DISC1: variants seen among roughly 807,000 people sequenced by gnomAD.
The protein encoded by DISC1 is disrupted in schizophrenia 1 protein.
A neutral mutation model predicts 84.5 loss-of-function variants in DISC1; 57 were observed. That is an observed-to-expected ratio of 0.67 (90% confidence interval 0.55 to 0.84). The LOEUF (loss-of-function observed/expected upper bound fraction) is 0.84. DISC1 is among the 40% of genes least tolerant of loss of function. DISC1 has a pLI of 0.00. For synonymous variants in DISC1, 411 were observed against 415.2 expected (o/e 0.99, Z 0.12); for missense variants, 1,000 against 1,057.8 (o/e 0.95, Z 0.76).
intron 1 of DISC1, among the ~76,000 whole-genome samples, chr1:231,653,106 C>A (rs952535155): frequency 2.0e-5 from 3 of 152,174 alleles, no homozygotes; most frequent in African/African-American, 7.2e-5. Flanking sequence ...TCCATGCTGA[C>A]ACCATAATTT....
intron 1 of DISC1, among the ~76,000 whole-genome samples, chr1:231,678,580 A>G (rs2063379121): frequency 1.3e-5 from 2 of 152,220 alleles, no homozygotes; most frequent in Admixed American, 1.3e-4. Flanking sequence ...GAGAAGTTAC[A>G]CTTGGGCAAG....
rs370963550 is a variant in DISC1 at position 231,924,380 on chromosome 1, G to T, written c.1982-34448G>T. On this transcript the variant is annotated intron_variant, in intron 9 of 12. Transcript: ENST00000439617. ...AAGTGGAAGGGGCTTTCTTGTCAAAGAAGGCACATATGAGTGCCATAGTTA... is the reference window on the plus strand; with the variant it reads ...AAGTGGAAGGGGCTTTCTTGTCAAATAAGGCACATATGAGTGCCATAGTTA... Among the ~76,000 whole-genome samples, 8 of 152,342 alleles carry T rather than the reference G, an allele frequency of 5.3e-5. No homozygotes were observed. In the East Asian group the frequency reaches 1.5e-3, roughly 29 times the overall value.
At chr1:231,974,420 T>C (rs1662492362) in intron 10 of DISC1, among the ~76,000 whole-genome samples, 1 of 152,224 alleles carries the variant, frequency 6.6e-6, no homozygotes, top group Admixed American at 6.5e-5. Context: ...AATGCAAGCC[T>C]ATGTGCAGGT....
intron 10 of DISC1, among the ~76,000 whole-genome samples, chr1:231,966,194 A>G (rs1661094363): frequency 6.6e-6 from 1 of 152,082 alleles, no homozygotes; most frequent in Non-Finnish European, 1.5e-5. Context: ...AGGCAACCTG[A>G]GAAGATACAG....
chr1:231,760,783 G>C (rs978504860), intron 4 of DISC1, among the ~76,000 whole-genome samples: 2 of 152,170 alleles, frequency 1.3e-5, no homozygotes, highest in Non-Finnish European at 2.9e-5. Context: ...CACTTGCAGA[G>C]CCTTCTGAAG....
intron 1 of DISC1, among the ~76,000 whole-genome samples, chr1:231,641,756 A>G (rs2059710473): frequency 6.6e-6 from 1 of 152,192 alleles, no homozygotes; most frequent in African/African-American, 2.4e-5. Context: ...TTAGCTAGAT[A>G]CAGAGTGTCC....
intron 9 of DISC1, among the ~76,000 whole-genome samples, chr1:231,910,441 T>C (rs1182866691): frequency 1.3e-5 from 2 of 152,238 alleles, no homozygotes; most frequent in Admixed American, 6.5e-5. Context: ...TACTCAGTAG[T>C]CATTCAGGGG....
chr1:232,010,655 A>C (rs746068655), intron 11 of DISC1, among the ~76,000 whole-genome samples: 4 of 152,202 alleles, frequency 2.6e-5, no homozygotes, highest in Non-Finnish European at 2.9e-5. Context: ...TTTACATGAC[A>C]CAGGAGCCTG....
intron 12 of DISC1, among the ~76,000 whole-genome samples, chr1:232,027,336 A>G (rs1368988523): frequency 2.6e-5 from 4 of 152,240 alleles, no homozygotes; most frequent in Non-Finnish European, 5.9e-5. Context: ...TTCTAACCAT[A>G]TACACATGGT....
chr1:231,796,647 T>C (rs2078787813), intron 7 of DISC1, among the ~76,000 whole-genome samples: 1 of 152,130 alleles, frequency 6.6e-6, no homozygotes, highest in Non-Finnish European at 1.5e-5. Flanking sequence ...TTATAACTTG[T>C]GTACAAAGAG....
At position 231,708,027 on chromosome 1, in the gene DISC1, G is replaced by A. The variant is rs775888189; in HGVS notation, c.1117+6003G>A. ...TAGGTGGAACTATTACCTTTTTATT[G>A]TCTTTATTTGGAAATTAGGTATGGT... On this transcript the variant is annotated intron_variant, in intron 3 of 12. Transcript: ENST00000439617. 2.6e-4 allele frequency among the ~76,000 whole-genome samples: 39 copies of A among 152,220 alleles called. 1 individual carries two copies. Among genetic ancestry groups the A allele is most frequent in the East Asian group, 3.9e-4 (2 of 5,188 alleles).
At chr1:231,641,406 G>A (rs1224263542) in intron 1 of DISC1, among the ~76,000 whole-genome samples, 2 of 152,270 alleles carry the variant, frequency 1.3e-5, no homozygotes, top group Non-Finnish European at 2.9e-5. Flanking sequence ...CGCGTCTGGA[G>A]TCGTTCGTTC....
intron 9 of DISC1, among the ~76,000 whole-genome samples, chr1:231,865,493 CT>C (rs931046802): frequency 2.0e-5 from 3 of 152,202 alleles, no homozygotes; most frequent in African/African-American, 7.2e-5. Flanking sequence ...ATAACATAAT[CT>C]TTAGCCTAAT....
chr1:232,004,866 TGCCTCCCTCCCTCCCTC>T (rs1667155900), intron 10 of DISC1, among the ~76,000 whole-genome samples: 1 of 33,300 alleles, frequency 3.0e-5, no homozygotes, highest in Non-Finnish European at 5.9e-5. Flanking sequence ...CCTCCCTCCC[TGCCTCCCTCCCTCCCTC>T]CCTTCCTTCC....
chr1:231,641,513 G>A (rs918890528), intron 1 of DISC1, among the ~76,000 whole-genome samples: 1 of 152,198 alleles, frequency 6.6e-6, no homozygotes, highest in African/African-American at 2.4e-5. Flanking sequence ...GACCCAAAGA[G>A]TGAGCAGCAG....
chr1:231,747,676 AT>A (rs1393647805), intron 3 of DISC1, among the ~76,000 whole-genome samples: 1 of 152,080 alleles, frequency 6.6e-6, no homozygotes, highest in East Asian at 1.9e-4. Context: ...TTTGTAGTAT[AT>A]TTTGAGGTCT....
At chr1:231,865,380 G>A (rs2084978444) in intron 9 of DISC1, among the ~76,000 whole-genome samples, 1 of 152,142 alleles carries the variant, frequency 6.6e-6, no homozygotes. Flanking sequence ...TTTATATGTC[G>A]GCTTTCAGTG....
At chr1:231,786,238 G>A (rs889727825) in intron 6 of DISC1, among the ~76,000 whole-genome samples, 2 of 152,220 alleles carry the variant, frequency 1.3e-5, no homozygotes, top group African/African-American at 2.4e-5. Flanking sequence ...ATATGGGATA[G>A]TAGACCTGGA....
intron 10 of DISC1, among the ~76,000 whole-genome samples, chr1:231,968,297 C>T (rs940893206): frequency 4.7e-4 from 72 of 152,228 alleles, no homozygotes; most frequent in African/African-American, 1.7e-3. Flanking sequence ...GTTAGGAAAG[C>T]CTTTCCTTCA....
Sources: allele counts gnomAD v4.1 joint callset (sites outside exome capture counted in the v4.1 genomes callset), GRCh38; gene constraint gnomAD v4.1.1; transcripts MANE v1.5; gene names NCBI Gene and HGNC (gene_info 2026-07-23, HGNC 2026-07-21).